Variants in SCN10A observed in about 807,000 individuals in gnomAD.
SCN10A encodes sodium channel protein type 10 subunit alpha.
In SCN10A, 162 loss-of-function variants were observed where a neutral mutation model predicts 170.7. That is an observed-to-expected ratio of 0.95 (90% confidence interval 0.84 to 1.08). SCN10A has a LOEUF of 1.08. Among genes scored for constraint, SCN10A ranks in the 50% least tolerant of loss-of-function variants. The probability of loss-of-function intolerance (pLI) is 0.00; values close to 1 mark genes in which losing one functional copy is unlikely to be tolerated. For missense variants in SCN10A, 2,527 were observed against 2,436.9 expected, an observed-to-expected ratio of 1.04 and a Z score of -0.78; for synonymous variants, 985 against 904.6, an observed-to-expected ratio of 1.09 and a Z score of -1.59.
chr3:38,762,429 G>A (rs1559451069), intron 6 of SCN10A, among the ~76,000 whole-genome samples: 1 of 152,162 alleles, frequency 6.6e-6, no homozygotes, highest in African/African-American at 2.4e-5. Context: ...AACCTTGGCA[G>A]AGCCCTGAGG....
chr3:38,711,183 C>A (rs753121973), intron 23 of SCN10A, among the ~76,000 whole-genome samples: 1 of 152,168 alleles, frequency 6.6e-6, no homozygotes, highest in Non-Finnish European at 1.5e-5. Flanking sequence ...GGTTCTAGTG[C>A]CAATTGCTAC....
In SCN10A at chr3:38,697,845, A is replaced by G. The variant is rs759581950; in HGVS notation, c.5375T>C (p.Leu1792Ser). The G allele has an allele frequency of 6.2e-7, 1 of 1,614,178 alleles. No individual in the cohort carries two copies. The highest frequency in any genetic ancestry group is 8.5e-7 in the Non-Finnish European group (1 of 1,180,022). ...RNILIQMDLP[L>S]VPGDKIHCLD... The stretch of plus-strand genomic sequence containing the variant: ...GCAGTGGATCTTATCTCCAGGGACC[A>G]AAGGCAGGTCCATCTGGATCAGTAT... The change falls in exon 28 of 28, where the codon TTG (leucine) becomes TCG (serine). Residue 1792 changes from leucine to serine, a missense_variant. Transcript: ENST00000449082.
rs373470651 is a variant in SCN10A at position 38,722,326 on chromosome 3, G to A, written c.3439C>T (p.Arg1147Cys). The A allele has an allele frequency of 7.6e-5, 123 of 1,613,864 alleles. No individual in the cohort carries two copies. The highest frequency in any genetic ancestry group is 1.3e-4 in the South Asian group (12 of 91,064). ...VGWQVRKTCYRIVEHSWFESF... is the reference protein window; with the variant it reads ...VGWQVRKTCYCIVEHSWFESF... ...TCAAACCAGCTGTGCTCCACGATACGGTAGCAAGTCTTGCGCACCTGCCAG... is the reference window on the plus strand; with the variant it reads ...TCAAACCAGCTGTGCTCCACGATACAGTAGCAAGTCTTGCGCACCTGCCAG... Residue 1147 changes from arginine to cysteine, a missense_variant, in exon 20 of 28, where the codon CGT (arginine) becomes TGT (cysteine). Coordinates refer to ENST00000449082, the MANE Select transcript of SCN10A (RefSeq NM_006514.4).
At chr3:38,762,085 T>C (rs2063881077) in intron 6 of SCN10A, among the ~76,000 whole-genome samples, 1 of 152,222 alleles carries the variant, frequency 6.6e-6, no homozygotes, top group Non-Finnish European at 1.5e-5. Context: ...GATGATTTGT[T>C]GCTCTGGTAA....
At chr3:38,698,667 G>A in intron 27 of SCN10A, 105 bp from the exon 28 acceptor site, 1 of 1,090,138 alleles carries the variant, frequency 9.2e-7, no homozygotes, top group African/African-American at 1.6e-5. Context: ...CTGCCACTTG[G>A]GCATCCACAT....
chr3:38,723,542 G>T lies in SCN10A; in HGVS notation c.3240C>A (p.Asp1080Glu). ...CCGTGCTGCCCTCAGAGGAGCTTGT[G>T]TCGTCCACTCCCTGCAGGGGAGAAG... ...VPQVPAEGVD[D>E]TSSSEGSTVD... Residue 1080 changes from aspartate (D) to glutamate (E), a missense_variant, in exon 19 of 28, where the codon GAC becomes GAA. Asp to Glu is a conservative substitution (Grantham distance 45, BLOSUM62 2). Coordinates refer to ENST00000449082, the MANE Select transcript of SCN10A (RefSeq NM_006514.4). 6.3e-7 allele frequency: 1 copy of T among 1,597,230 alleles called. No homozygotes were observed. Among genetic ancestry groups the T allele is most frequent in the East Asian group, 2.3e-5 (1 of 44,110 alleles).
chr3:38,732,113 A>G (rs1406776792), intron 15 of SCN10A, among the ~76,000 whole-genome samples: 3 of 152,238 alleles, frequency 2.0e-5, no homozygotes, highest in African/African-American at 4.8e-5. Flanking sequence ...TTGAGTGGAC[A>G]CAACAACAAT....
At chr3:38,763,462 T>A (rs1163227242) in intron 6 of SCN10A, 43 bp downstream of exon 6, 1 of 1,425,870 alleles carries the variant, frequency 7.0e-7, no homozygotes, top group Non-Finnish European at 9.9e-7. Context: ...AGAAGGGAGT[T>A]AGGCTGTGAA....
intron 1 of SCN10A, among the ~76,000 whole-genome samples, chr3:38,815,673 T>C (rs1389908101): frequency 3.9e-5 from 6 of 152,254 alleles, no homozygotes; most frequent in Non-Finnish European, 8.8e-5. Flanking sequence ...ACCTCTGTTA[T>C]CACAGTTTTT....
intron 17 of SCN10A, 103 bp from the exon 18 acceptor site, chr3:38,725,417 T>C (rs1575959963): frequency 8.8e-7 from 1 of 1,140,944 alleles, no homozygotes; most frequent in East Asian, 2.6e-5. Flanking sequence ...AGCCAAGAGT[T>C]TCATATATGC....
rs148748248 is a variant in SCN10A, at chr3:38,728,739, T to C, written c.2443A>G (p.Asn815Asp). 3 of 1,614,210 alleles carry C rather than the reference T, an allele frequency of 1.9e-6. No individual in the cohort carries two copies. Among genetic ancestry groups the C allele is most frequent in the Non-Finnish European group, 2.5e-6 (3 of 1,180,034 alleles). The change falls in exon 16 of 28, where the codon AAC becomes GAC. Residue 815 changes from asparagine (N) to aspartate (D), a missense_variant. Asn to Asp is a conservative substitution (Grantham distance 23). Transcript: ENST00000449082. ...GGCGCGGAGATATTTTTTCGGTTGT[T>C]ACGGTAGTTTTCCCCTAGGAGCTGC... ...GKQLLGENYRNNRKNISAPHE... is the reference protein window; with the variant it reads ...GKQLLGENYRDNRKNISAPHE...
At position 38,771,352 on chromosome 3, in the gene SCN10A, C is replaced by T; in HGVS notation, c.526G>A (p.Gly176Arg). ...TACGTGAACTCATTTAGACAAAATC[C>T]TCTTGCCAGTATCTTTATCAAGGCT... ...FEALIKILARGFCLNEFTYLR... is the reference protein window; with the variant it reads ...FEALIKILARRFCLNEFTYLR... The change falls in exon 5 of 28, where the codon GGA becomes AGA. Residue 176 changes from glycine (G) to arginine (R), a missense_variant. Gly to Arg is a moderately radical substitution (Grantham distance 125). Transcript: ENST00000449082. 3.1e-6 allele frequency: 5 copies of T among 1,614,148 alleles called. No individual in the cohort carries two copies. The highest frequency in any genetic ancestry group is 3.3e-4 in the Middle Eastern group (2 of 6,060).
At chr3:38,775,593 C>T (rs1400781299) in intron 4 of SCN10A, among the ~76,000 whole-genome samples, 2 of 152,092 alleles carry the variant, frequency 1.3e-5, no homozygotes, top group Non-Finnish European at 2.9e-5. Context: ...AACCAGAGAG[C>T]TCTTCTTTTA....
At chr3:38,725,025 CT>C in intron 18 of SCN10A, 148 bp downstream of exon 18, 1 of 651,502 alleles carries the variant, frequency 1.5e-6, no homozygotes, top group Non-Finnish European at 2.3e-6. Flanking sequence ...TTGGGAGGGA[CT>C]TTAAAAATTC....
intron 4 of SCN10A, among the ~76,000 whole-genome samples, chr3:38,781,196 G>T (rs2064134673): frequency 1.3e-5 from 2 of 152,118 alleles, no homozygotes; most frequent in Non-Finnish European, 2.9e-5. Context: ...TTGACAACTG[G>T]CAATGACCAG....
intron 5 of SCN10A, among the ~76,000 whole-genome samples, chr3:38,765,281 T>G (rs1486387871): frequency 6.6e-6 from 1 of 152,240 alleles, no homozygotes; most frequent in Non-Finnish European, 1.5e-5. Context: ...AGGAACGTTT[T>G]GCCTAAGCCA....
At chr3:38,734,034 TTCAA>T (rs1559431339) in intron 15 of SCN10A, among the ~76,000 whole-genome samples, 1 of 151,772 alleles carries the variant, frequency 6.6e-6, no homozygotes, top group African/African-American at 2.4e-5. Flanking sequence ...TTTTATTGTT[TTCAA>T]TGAGACGGAG....
In SCN10A at chr3:38,791,865, C is replaced by T. The variant is rs555098760; in HGVS notation, c.389+185G>A. On this transcript the variant is annotated intron_variant, in intron 3 of 27. Transcript: ENST00000449082. ...TGTTGCATAAACACTTCTTCTGTGT[C>T]TTGGGACTGCTTTGGGGTGTGGGAC... 2.6e-5 allele frequency among the ~76,000 whole-genome samples: 4 copies of T among 152,278 alleles called. No homozygotes were observed. In the South Asian group the frequency reaches 8.3e-4, roughly 32 times the overall value.
At chr3:38,776,086 A>G (rs542237413) in intron 4 of SCN10A, among the ~76,000 whole-genome samples, 1 of 152,244 alleles carries the variant, frequency 6.6e-6, no homozygotes, top group African/African-American at 2.4e-5. Flanking sequence ...TTATATCATT[A>G]CTTGACAAAA....
Sources: allele counts gnomAD v4.1 joint callset (sites outside exome capture counted in the v4.1 genomes callset), GRCh38; gene constraint gnomAD v4.1.1; transcripts MANE v1.5; gene names NCBI Gene and HGNC (gene_info 2026-07-23, HGNC 2026-07-21).